LIPC: variants seen among roughly 807,000 people sequenced by gnomAD.
LIPC encodes the protein hepatic triacylglycerol lipase.
A neutral mutation model predicts 50.7 loss-of-function variants in LIPC; 44 were observed. That is an observed-to-expected ratio of 0.87 (90% confidence interval 0.68 to 1.11). The LOEUF is 1.11. Among genes scored for constraint, LIPC ranks in the 50% most tolerant of loss-of-function variants. The probability of loss-of-function intolerance (pLI) is 0.00; values close to 1 mark genes in which losing one functional copy is unlikely to be tolerated. For missense variants in LIPC, 697 were observed against 648.2 expected, an observed-to-expected ratio of 1.08 and a Z score of -0.82; for synonymous variants, 271 against 256.4, an observed-to-expected ratio of 1.06 and a Z score of -0.54.
At chr15:58,444,731 G>A (rs1199609938) in intron 1 of LIPC, among the ~76,000 whole-genome samples, 2 of 152,130 alleles carry the variant, frequency 1.3e-5, no homozygotes, top group Non-Finnish European at 2.9e-5. Flanking sequence ...TAAAGACTCT[G>A]GCTCCAAAAG....
At chr15:58,512,201 C>T (rs553807583) in intron 1 of LIPC, among the ~76,000 whole-genome samples, 14 of 151,858 alleles carry the variant, frequency 9.2e-5, no homozygotes, top group African/African-American at 2.7e-4. Flanking sequence ...CAGGTTCAAG[C>T]GATTCTCCTG....
Position 58,555,969 on chromosome 15 carries a change from C to A in LIPC, c.1052-4895C>A, listed in dbSNP as rs544724399. ...ACCAGAAACCAATCGACAAGGGAGC[C>A]CGGCAGATGCAGCCTAAGGGATCCC... is the stretch of plus-strand genomic sequence containing the variant. On this transcript the variant is annotated intron_variant, in intron 6 of 8. Coordinates refer to ENST00000299022, the MANE Select transcript of LIPC (RefSeq NM_000236.3). Among the ~76,000 whole-genome samples, 224 of 152,304 alleles carry A rather than the reference C, an allele frequency of 1.5e-3. 2 individuals carry two copies. Among genetic ancestry groups the A allele is most frequent in the African/African-American group, 5.1e-3 (210 of 41,566 alleles).
intron 6 of LIPC, among the ~76,000 whole-genome samples, chr15:58,552,917 A>T (rs1313012263): frequency 6.6e-6 from 1 of 152,172 alleles, no homozygotes; most frequent in Non-Finnish European, 1.5e-5. Flanking sequence ...CTAGCACGGG[A>T]CCTGCAGGTG....
intron 4 of LIPC, among the ~76,000 whole-genome samples, chr15:58,543,776 C>T (rs866109591): frequency 4.0e-4 from 61 of 152,092 alleles, no homozygotes; most frequent in African/African-American, 1.4e-3. Flanking sequence ...AGCTAAGCCA[C>T]ACCCAGCTAA....
chr15:58,554,392 T>A (rs1381508279), intron 6 of LIPC, among the ~76,000 whole-genome samples: 1 of 152,204 alleles, frequency 6.6e-6, no homozygotes, highest in African/African-American at 2.4e-5. Flanking sequence ...GTCACAGGAT[T>A]AAAAGCGTTT....
chr15:58,524,193 A>T (rs1892737111), intron 1 of LIPC, among the ~76,000 whole-genome samples: 1 of 152,202 alleles, frequency 6.6e-6, no homozygotes, highest in Non-Finnish European at 1.5e-5. Flanking sequence ...CCACAAAAGT[A>T]TCACACTTTA....
chr15:58,552,053 G>A (rs1893781917), intron 6 of LIPC, among the ~76,000 whole-genome samples: 1 of 152,176 alleles, frequency 6.6e-6, no homozygotes, highest in Non-Finnish European at 1.5e-5. Context: ...TACCAGTTTG[G>A]GAGCCTGTTT....
intron 1 of LIPC, among the ~76,000 whole-genome samples, chr15:58,442,084 G>C (rs551734909): frequency 6.6e-5 from 10 of 152,280 alleles, no homozygotes; most frequent in African/African-American, 1.9e-4. Flanking sequence ...TAATACCTAT[G>C]CCCTAGCTGC....
At chr15:58,432,787 G>A (rs182578040) in intron 1 of LIPC, among the ~76,000 whole-genome samples, 456 of 152,266 alleles carry the variant, frequency 3.0e-3, no homozygotes, top group African/African-American at 9.1e-3. Context: ...AATAAATGAC[G>A]GATCAGTTAA....
chr15:58,536,405 C>T (rs1029672253), intron 1 of LIPC, among the ~76,000 whole-genome samples: 1 of 152,106 alleles, frequency 6.6e-6, no homozygotes, highest in Non-Finnish European at 1.5e-5. Flanking sequence ...GTTTTAGACT[C>T]TTTGAGCAGC....
At chr15:58,519,778 C>G (rs1396136947) in intron 1 of LIPC, among the ~76,000 whole-genome samples, 1 of 152,212 alleles carries the variant, frequency 6.6e-6, no homozygotes, top group Admixed American at 6.5e-5. Flanking sequence ...ATCAGCAGCC[C>G]TTGCTCTTAG....
intron 1 of LIPC, among the ~76,000 whole-genome samples, chr15:58,514,272 C>T (rs1430635283): frequency 6.6e-6 from 1 of 152,170 alleles, no homozygotes; most frequent in Admixed American, 6.5e-5. Context: ...GCAATCGCTA[C>T]TTCATAAGAT....
chr15:58,489,783 T>C (rs1363367687), intron 1 of LIPC, among the ~76,000 whole-genome samples: 8 of 152,202 alleles, frequency 5.3e-5, no homozygotes, highest in Non-Finnish European at 7.3e-5. Context: ...CTTCTGGCCT[T>C]TCACTGGTTT....
At chr15:58,542,500 C>A (rs1218240039) in intron 3 of LIPC, 34 bp from the exon 4 acceptor site, 2 of 1,410,202 alleles carry the variant, frequency 1.4e-6, no homozygotes, top group African/African-American at 2.8e-5. Context: ...CCAGGCAGCT[C>A]TTCTCCTGCC....
At chr15:58,465,595 G>A (rs527900443) in intron 1 of LIPC, among the ~76,000 whole-genome samples, 4 of 150,482 alleles carry the variant, frequency 2.7e-5, no homozygotes, top group South Asian at 2.1e-4. Flanking sequence ...GGTCAGAACC[G>A]TAACATAACG....
intron 1 of LIPC, among the ~76,000 whole-genome samples, chr15:58,450,568 C>T (rs1595858633): frequency 6.6e-6 from 1 of 152,230 alleles, no homozygotes; most frequent in East Asian, 1.9e-4. Flanking sequence ...TGTAGGAAAT[C>T]GTCAGTTAAA....
At chr15:58,493,479 A>T (rs200049146) in intron 1 of LIPC, among the ~76,000 whole-genome samples, 71 of 93,968 alleles carry the variant, frequency 7.6e-4, no homozygotes, top group Non-Finnish European at 1.1e-3. Context: ...AAATATATAT[A>T]TATTTTTTTG....
At chr15:58,527,223 T>C (rs977842772) in intron 1 of LIPC, among the ~76,000 whole-genome samples, 1 of 152,236 alleles carries the variant, frequency 6.6e-6, no homozygotes, top group Non-Finnish European at 1.5e-5. Context: ...TTTTAGCCAG[T>C]TGTGGGCCTT....
At chr15:58,461,005 C>T (rs1263371597) in intron 1 of LIPC, among the ~76,000 whole-genome samples, 1 of 152,080 alleles carries the variant, frequency 6.6e-6, no homozygotes, top group Non-Finnish European at 1.5e-5. Context: ...AGGATGGTTA[C>T]AGAGGAAGGA....
Sources: gnomAD v4.1 joint callset for allele counts (sites outside exome capture counted in the v4.1 genomes callset) on GRCh38, gnomAD v4.1.1 for gene constraint, MANE v1.5 for transcripts, NCBI Gene and HGNC (gene_info 2026-07-23, HGNC 2026-07-21) for gene names.